Variants in BICC1 observed in about 807,000 individuals in gnomAD.
BICC1 encodes the protein protein bicaudal C homolog 1.
BICC1 carries 43 observed loss-of-function variants against 111.0 expected under a neutral mutation model. That is an observed-to-expected ratio of 0.39 (90% confidence interval 0.30 to 0.50). The LOEUF is 0.50. Among genes scored for constraint, BICC1 ranks in the 20% least tolerant of loss-of-function variants. The pLI is 0.88. For synonymous variants in BICC1, 467 were observed against 434.4 expected, an observed-to-expected ratio of 1.07 and a Z score of -0.93; for missense variants, 1,091 against 1,203.2, an observed-to-expected ratio of 0.91 and a Z score of 1.38.
chr10:58,605,276 C>T (rs539827940), intron 1 of BICC1, among the ~76,000 whole-genome samples: 11 of 152,186 alleles, frequency 7.2e-5, no homozygotes, highest in African/African-American at 2.6e-4. Context: ...CAATATCCTT[C>T]CCCACAAAAC....
intron 8 of BICC1, 119 bp downstream of exon 8, chr10:58,790,052 A>C: frequency 8.6e-7 from 1 of 1,162,164 alleles, no homozygotes; most frequent in Non-Finnish European, 1.2e-6. Context: ...CTCGTCAAAT[A>C]AGGAAGTTTC....
chr10:58,819,752 G>A (rs1392816474), intron 19 of BICC1, among the ~76,000 whole-genome samples: 1 of 152,142 alleles, frequency 6.6e-6, no homozygotes, highest in African/African-American at 2.4e-5. Context: ...AGAATCTGTT[G>A]TCTTTCTCTT....
rs999927315 is a variant in BICC1, at chr10:58,801,246, C to T, written c.2015+200C>T. Among the ~76,000 whole-genome samples, 22 of 152,132 alleles carry T rather than the reference C, an allele frequency of 1.4e-4. 1 individual carries two copies. The highest frequency in any genetic ancestry group is 3.3e-4 in the Admixed American group (5 of 15,260). The stretch of plus-strand genomic sequence containing the variant: ...TCTCTGTCTTCTCTATAGTCCCTTC[C>T]CCATTTAATGAATTGATTTATATCT... On this transcript the variant is annotated intron_variant, in intron 14 of 20. Transcript: ENST00000373886.
chr10:58,820,962 T>C (rs1331206709), intron 20 of BICC1, among the ~76,000 whole-genome samples: 1 of 152,128 alleles, frequency 6.6e-6, no homozygotes, highest in Admixed American at 6.6e-5. Flanking sequence ...TAATAGAATT[T>C]ATGAGTCACA....
At chr10:58,576,444 C>A (rs1311956157) in intron 1 of BICC1, among the ~76,000 whole-genome samples, 1 of 152,166 alleles carries the variant, frequency 6.6e-6, no homozygotes, top group Admixed American at 6.5e-5. Context: ...TCTGTATTAT[C>A]TGCTTGCTCT....
In BICC1 at chr10:58,789,726, A is replaced by C; in HGVS notation, c.840A>C (p.Ala280=). 1.2e-6 allele frequency: 2 copies of C among 1,614,158 alleles called. No individual in the cohort carries two copies. Among genetic ancestry groups the C allele is most frequent in the Non-Finnish European group, 1.7e-6 (2 of 1,180,014 alleles). ...TAGAACATCTTGCTGGGAGCTTAGC[A>C]TCAGCTATTCCTGTGAGCACACAAC... ...MLLEHLAGSL[A]SAIPVSTQLD... is the part of the protein sequence containing the mutation. Residue 280 remains alanine, a synonymous_variant, in exon 8 of 21, where the codon GCA becomes GCC. Coordinates refer to ENST00000373886, the MANE Select transcript of BICC1 (RefSeq NM_001080512.3).
chr10:58,548,433 A>G (rs1387577124), intron 1 of BICC1, among the ~76,000 whole-genome samples: 1 of 152,156 alleles, frequency 6.6e-6, no homozygotes, highest in Non-Finnish European at 1.5e-5. Flanking sequence ...TGTATTTTAT[A>G]CATTTGCTAG....
chr10:58,530,363 C>G (rs1051161076), intron 1 of BICC1, among the ~76,000 whole-genome samples: 2 of 151,732 alleles, frequency 1.3e-5, no homozygotes, highest in African/African-American at 2.4e-5. Context: ...AATTGTCCAC[C>G]TAAGGAATTA....
intron 2 of BICC1, among the ~76,000 whole-genome samples, chr10:58,686,192 C>T (rs955769622): frequency 1.3e-5 from 2 of 152,172 alleles, no homozygotes; most frequent in Non-Finnish European, 2.9e-5. Flanking sequence ...GAATATTGGA[C>T]CCCACTCTAT....
chr10:58,527,112 T>C (rs1404651495), intron 1 of BICC1, among the ~76,000 whole-genome samples: 8 of 152,182 alleles, frequency 5.3e-5, no homozygotes, highest in South Asian at 2.1e-4. Flanking sequence ...TTTTTAATGA[T>C]TGCCATTCTA....
intron 1 of BICC1, among the ~76,000 whole-genome samples, chr10:58,521,422 A>T (rs1393103017): frequency 6.6e-6 from 1 of 152,122 alleles, no homozygotes; most frequent in Non-Finnish European, 1.5e-5. Flanking sequence ...AAAGCCTTTT[A>T]TGCATTTTTT....
intron 1 of BICC1, among the ~76,000 whole-genome samples, chr10:58,592,265 A>G (rs906144243): frequency 6.6e-6 from 1 of 152,080 alleles, no homozygotes; most frequent in Non-Finnish European, 1.5e-5. Flanking sequence ...TCTTTGCCCT[A>G]TTTTGTCATT....
chr10:58,683,133 A>C (rs1336271072), intron 2 of BICC1, among the ~76,000 whole-genome samples: 2 of 152,202 alleles, frequency 1.3e-5, no homozygotes, highest in Non-Finnish European at 2.9e-5. Flanking sequence ...CATTTATTAA[A>C]TAGGGAATCC....
chr10:58,607,857 G>A (rs1239206891), intron 1 of BICC1, among the ~76,000 whole-genome samples: 3 of 152,132 alleles, frequency 2.0e-5, no homozygotes, highest in Admixed American at 2.0e-4. Flanking sequence ...CATTGCATCA[G>A]CTGTGCACCT....
chr10:58,745,746 A>G (rs1444451040), intron 3 of BICC1, among the ~76,000 whole-genome samples: 3 of 151,838 alleles, frequency 2.0e-5, no homozygotes, highest in African/African-American at 7.3e-5. Context: ...ACAGATAACA[A>G]TTAGATAACT....
intron 3 of BICC1, among the ~76,000 whole-genome samples, chr10:58,777,240 G>T (rs936464562): frequency 2.6e-5 from 4 of 151,752 alleles, no homozygotes; most frequent in Non-Finnish European, 5.9e-5. Flanking sequence ...GCTTTGATAA[G>T]TCACAGTGGA....
intron 10 of BICC1, 108 bp from the exon 11 acceptor site, chr10:58,798,291 A>G: frequency 1.2e-6 from 1 of 852,338 alleles, no homozygotes; most frequent in Non-Finnish European, 1.7e-6. Context: ...TTATATTTAG[A>G]AAATATCAGA....
intron 1 of BICC1, among the ~76,000 whole-genome samples, chr10:58,561,731 C>T (rs1269718993): frequency 1.3e-5 from 2 of 151,962 alleles, no homozygotes; most frequent in East Asian, 3.9e-4. Flanking sequence ...TAATTTTATA[C>T]TTTCATATGC....
intron 1 of BICC1, among the ~76,000 whole-genome samples, chr10:58,525,403 C>G (rs76277845): frequency 0.013 from 1,082 of 84,388 alleles, 221 homozygotes; most frequent in African/African-American, 0.03. Context: ...ATGAGTTCAT[C>G]TCCTTGGTAG....
Sources: gnomAD v4.1 joint callset for allele counts (sites outside exome capture counted in the v4.1 genomes callset) on GRCh38, gnomAD v4.1.1 for gene constraint, MANE v1.5 for transcripts, NCBI Gene and HGNC (gene_info 2026-07-23, HGNC 2026-07-21) for gene names.